Variants in COL27A1 observed in about 807,000 individuals in gnomAD.
COL27A1 encodes the protein collagen type XXVII alpha 1 chain.
COL27A1 carries 106 observed loss-of-function variants against 251.3 expected under a neutral mutation model. That is an observed-to-expected ratio of 0.42 (90% confidence interval 0.36 to 0.50). The LOEUF (loss-of-function observed/expected upper bound fraction) is 0.50, where lower values mean the gene tolerates loss of function less well. COL27A1 is among the 20% of genes least tolerant of loss of function. COL27A1 has a pLI of 0.00. For missense variants in COL27A1, 2,325 were observed against 2,522.8 expected, an observed-to-expected ratio of 0.92 and a Z score of 1.68; for synonymous variants, 1,000 against 986.3, an observed-to-expected ratio of 1.01 and a Z score of -0.26.
intron 39 of COL27A1, 37 bp from the exon 40 acceptor site, chr9:114,283,672 C>G: frequency 6.2e-7 from 1 of 1,604,686 alleles, no homozygotes; most frequent in Non-Finnish European, 8.5e-7. Flanking sequence ...CTGTGAGAGC[C>G]ACACTCCATA....
intron 21 of COL27A1, among the ~76,000 whole-genome samples, chr9:114,241,878 A>G (rs914644537): frequency 5.3e-5 from 8 of 152,208 alleles, no homozygotes; most frequent in African/African-American, 1.9e-4. Flanking sequence ...CAGAGCCTAC[A>G]TCTTTGAGCT....
At chr9:114,300,507 G>T (rs1828541688) in intron 50 of COL27A1, 118 bp from the exon 51 acceptor site, 1 of 729,436 alleles carries the variant, frequency 1.4e-6, no homozygotes, top group African/African-American at 1.8e-5. Flanking sequence ...GGCCTCTCAG[G>T]TAAGGCCTCT....
At chr9:114,157,106 A>ACACACGCG (rs142812937) in intron 1 of COL27A1, among the ~76,000 whole-genome samples, 2,269 of 147,898 alleles carry the variant, frequency 0.015, 34 homozygotes, top group South Asian at 0.019. Context: ...ACACACACAT[A>ACACACGCG]CGCGCGCGCG....
chr9:114,222,148 TGGA>T, intron 13 of COL27A1, 72 bp from the exon 14 acceptor site: 1 of 1,326,434 alleles, frequency 7.5e-7, no homozygotes, highest in South Asian at 1.2e-5. Flanking sequence ...GGTGCCTGTG[TGGA>T]GGATGACATG....
In COL27A1 at chr9:114,169,308, C is replaced by A. The variant is rs1849141126; in HGVS notation, c.1753C>A (p.Gln585Lys). ...CCCCAGACAGCCCCAGCCCAGTCAGCAGACCACCCCGGCCCTGGTATTGGC... is the reference window on the plus strand; with the variant it reads ...CCCCAGACAGCCCCAGCCCAGTCAGAAGACCACCCCGGCCCTGGTATTGGC... ...PSPRQPQPSQ[Q>K]TTPALVLAPA... The change falls in exon 3 of 61, where the codon CAG becomes AAG. Residue 585 changes from glutamine to lysine, a missense_variant. By Grantham distance (53) the Gln-to-Lys change is moderately conservative. Around this residue, in one of 4 missense-constraint regions of COL27A1, gnomAD observed 1,183 missense variants for 1,144.1 expected, o/e 1.03. Coordinates refer to ENST00000356083, the MANE Select transcript of COL27A1 (RefSeq NM_032888.4). 6.2e-7 allele frequency: 1 copy of A among 1,612,346 alleles called. No individual in the cohort carries two copies.
intron 1 of COL27A1, among the ~76,000 whole-genome samples, chr9:114,157,338 G>GCCAGCATACCTCTGCTCT (rs1158047077): frequency 1.3e-5 from 2 of 152,194 alleles, no homozygotes; most frequent in East Asian, 1.9e-4. Context: ...GCGCTCTGGC[G>GCCAGCATACCTCTGCTCT]CCAGCATACC....
chr9:114,222,130 C>T (rs1172780358), intron 13 of COL27A1, 93 bp from the exon 14 acceptor site: 1 of 1,120,160 alleles, frequency 8.9e-7, no homozygotes, highest in Non-Finnish European at 1.4e-6. Flanking sequence ...CTCTGAAAGA[C>T]CCCACCAGGT....
At chr9:114,243,603 G>A (rs1472215549) in intron 23 of COL27A1, 43 bp downstream of exon 23, 10 of 1,531,970 alleles carry the variant, frequency 6.5e-6, no homozygotes, top group Middle Eastern at 1.7e-4. Context: ...GGAAAGAGGG[G>A]ATCCTACATA....
chr9:114,240,131 G>T (rs1394079383), intron 19 of COL27A1, 89 bp from the exon 20 acceptor site: 2 of 1,206,740 alleles, frequency 1.7e-6, no homozygotes, highest in Admixed American at 3.4e-5. Flanking sequence ...GGATGAGATG[G>T]AAACCCGGTC....
chr9:114,265,009 C>T (rs1203817232), intron 30 of COL27A1, 41 bp downstream of exon 30: 1 of 1,612,254 alleles, frequency 6.2e-7, no homozygotes, highest in African/African-American at 1.3e-5. Flanking sequence ...TGCAGGCCCC[C>T]TCCCTGCTCC....
intron 12 of COL27A1, among the ~76,000 whole-genome samples, chr9:114,215,559 G>C (rs945934344): frequency 6.6e-6 from 1 of 152,140 alleles, no homozygotes; most frequent in Non-Finnish European, 1.5e-5. Flanking sequence ...TTTAGACCAC[G>C]AGAGAAAGGG....
rs1178426965 is a variant in COL27A1, at chr9:114,250,154, C to T, written c.2980-461C>T. ...TTTCAGAAGACAGTAAAGAGGCCTC[C>T]GCCTCCCCGATTCCAATCAGTTCTC... On this transcript the variant is annotated intron_variant, in intron 24 of 60. Transcript: ENST00000356083. Among the ~76,000 whole-genome samples the T allele has an allele frequency of 3.9e-5, 6 of 152,192 alleles. No homozygotes were observed. In the East Asian group the frequency reaches 5.8e-4, roughly 15 times the overall value.
intron 16 of COL27A1, among the ~76,000 whole-genome samples, chr9:114,235,003 C>A (rs927657418): frequency 6.3e-5 from 9 of 143,130 alleles, no homozygotes; most frequent in Non-Finnish European, 1.1e-4. Flanking sequence ...CACCTGAGTC[C>A]GGGAGGTCAA....
chr9:114,250,386 T>C (rs1833454576), intron 24 of COL27A1, among the ~76,000 whole-genome samples: 1 of 152,204 alleles, frequency 6.6e-6, no homozygotes, highest in Admixed American at 6.5e-5. Context: ...CCAGGGATGT[T>C]GGCAGCGGCC....
intron 18 of COL27A1, 132 bp downstream of exon 18, chr9:114,237,166 G>A: frequency 2.5e-6 from 2 of 810,808 alleles, no homozygotes; most frequent in Admixed American, 3.0e-5. Flanking sequence ...AGCAGGGCAG[G>A]GCAGGAATGG....
chr9:114,182,745 T>C lies in COL27A1; in HGVS notation c.1963-277T>C, dbSNP rs4979351. On this transcript the variant is annotated intron_variant, in intron 4 of 60. Transcript: ENST00000356083. ...GACAGTTACGAACCTCTGTGAACAT[T>C]GGCATCCTCGTCTTCAAAATAGTAA... Among the ~76,000 whole-genome samples the C allele has an allele frequency of 0.83, 125,469 of 152,068 alleles. 52,180 individuals are homozygous for C. The highest frequency in any genetic ancestry group is 0.97 in the East Asian group (4,984 of 5,154).
At chr9:114,200,465 G>T (rs747154793) in intron 7 of COL27A1, among the ~76,000 whole-genome samples, 1 of 152,200 alleles carries the variant, frequency 6.6e-6, no homozygotes, top group Non-Finnish European at 1.5e-5. Flanking sequence ...CAAGGTCTTG[G>T]TCATTGCTGG....
intron 3 of COL27A1, among the ~76,000 whole-genome samples, chr9:114,173,220 C>T (rs868397234): frequency 6.6e-6 from 1 of 152,246 alleles, no homozygotes; most frequent in African/African-American, 2.4e-5. Flanking sequence ...TGAGAGGAGG[C>T]GAGTCAAGGC....
Position 114,264,983 on chromosome 9 carries a change from G to A in COL27A1, c.3294+15G>A. 1 of 1,612,818 alleles carries A rather than the reference G, an allele frequency of 6.2e-7. No homozygotes were observed. Among genetic ancestry groups the A allele is most frequent in the South Asian group, 1.1e-5 (1 of 90,990 alleles). On this transcript the variant is annotated intron_variant, in intron 30 of 60. Transcript: ENST00000356083. ...CTGGACAGCAGGTATGTCAGGCCAA[G>A]GCCAAGCAGGCCAGCTGCAGGCCCC...
Sources: gnomAD v4.1 joint callset for allele counts (sites outside exome capture counted in the v4.1 genomes callset) on GRCh38, gnomAD v4.1.1 for gene constraint, gnomAD v4.1.1 regional missense constraint, MANE v1.5 for transcripts, NCBI Gene and HGNC (gene_info 2026-07-23, HGNC 2026-07-21) for gene names.